TFEC: variants seen among roughly 807,000 people sequenced by gnomAD.
TFEC encodes class E basic helix-loop-helix protein 34.
TFEC carries 31 observed loss-of-function variants against 41.6 expected under a neutral mutation model. The ratio of observed to expected loss-of-function variants is 0.74; its 90% confidence interval spans 0.56 to 1.01. The LOEUF is 1.01. TFEC is among the 50% of genes least tolerant of loss of function. The pLI, the probability that TFEC is intolerant of heterozygous loss-of-function variation, is 0.00. For synonymous variants in TFEC, 143 were observed against 140.6 expected (o/e 1.02, Z -0.12); for missense variants, 402 against 404.1 (o/e 0.99, Z 0.04).
chr7:115,941,022 A>T, intron 7 of TFEC, 91 bp from the exon 8 acceptor site: 1 of 1,216,162 alleles, frequency 8.2e-7, no homozygotes, highest in Non-Finnish European at 1.1e-6. Flanking sequence ...AAATATTAAC[A>T]AGCATTTAAA....
intron 3 of TFEC, among the ~76,000 whole-genome samples, chr7:116,057,581 G>A (rs1406607391): frequency 6.6e-6 from 1 of 151,794 alleles, no homozygotes; most frequent in African/African-American, 2.4e-5. Context: ...ACTGGAAAGA[G>A]TAATTTATGG....
At chr7:116,004,519 T>C (rs1368636463) in intron 1 of TFEC, among the ~76,000 whole-genome samples, 1 of 152,162 alleles carries the variant, frequency 6.6e-6, no homozygotes, top group Non-Finnish European at 1.5e-5. Flanking sequence ...GTGAAGGTTA[T>C]TGATAAAAGA....
intron 1 of TFEC, among the ~76,000 whole-genome samples, chr7:116,138,534 C>CT (rs1383517147): frequency 6.6e-6 from 1 of 152,130 alleles, no homozygotes; most frequent in African/African-American, 2.4e-5. Flanking sequence ...TAACAAGCTA[C>CT]TAATCTACAG....
In TFEC at chr7:116,138,859, G is replaced by A. The variant is rs944115397; in HGVS notation, c.-69+20931C>T. Among the ~76,000 whole-genome samples, 8 of 152,084 alleles carry A rather than the reference G, an allele frequency of 5.3e-5. No individual in the cohort carries two copies. In the East Asian group the frequency reaches 7.7e-4, roughly 15 times the overall value. ...AAAGAAAAAAAGTAAAGGCTTGAGCGGTCACCCAACGTGTCCCCTCCTAAC... is the reference window on the plus strand; with the variant it reads ...AAAGAAAAAAAGTAAAGGCTTGAGCAGTCACCCAACGTGTCCCCTCCTAAC... On this transcript the variant is annotated intron_variant, in intron 1 of 8. Transcript: ENST00000484212.
intron 3 of TFEC, among the ~76,000 whole-genome samples, chr7:116,097,064 T>A (rs1000474721): frequency 1.3e-5 from 2 of 148,456 alleles, no homozygotes; most frequent in East Asian, 3.9e-4. Context: ...CACTCCAGCC[T>A]GGCGACAGAG....
chr7:115,980,579 G>A (rs942436227), intron 2 of TFEC, among the ~76,000 whole-genome samples: 13 of 152,018 alleles, frequency 8.6e-5, no homozygotes, highest in East Asian at 1.9e-4. Flanking sequence ...GCGAAACTCC[G>A]TCTCTACTAA....
intron 3 of TFEC, among the ~76,000 whole-genome samples, chr7:116,066,344 CT>C (rs1796694265): frequency 6.6e-6 from 1 of 152,004 alleles, no homozygotes. Flanking sequence ...TTACGTCTTT[CT>C]TTTGATATAA....
chr7:116,004,481 C>T (rs561915193), intron 1 of TFEC, among the ~76,000 whole-genome samples: 2 of 152,086 alleles, frequency 1.3e-5, no homozygotes, highest in East Asian at 1.9e-4. Flanking sequence ...AATGTAGGTT[C>T]GTCAATATTC....
chr7:116,153,036 G>A (rs965317415), intron 1 of TFEC, among the ~76,000 whole-genome samples: 4 of 152,130 alleles, frequency 2.6e-5, no homozygotes, highest in East Asian at 1.9e-4. Flanking sequence ...GGCGAGCCAC[G>A]AAAGATATTT....
intron 3 of TFEC, among the ~76,000 whole-genome samples, chr7:116,045,549 C>A (rs544736268): frequency 6.6e-6 from 1 of 152,176 alleles, no homozygotes; most frequent in Non-Finnish European, 1.5e-5. Context: ...GGTTTGGGAA[C>A]CTCTGCCTAG....
intron 3 of TFEC, among the ~76,000 whole-genome samples, chr7:116,067,459 A>G (rs921659551): frequency 6.6e-6 from 1 of 152,028 alleles, no homozygotes; most frequent in African/African-American, 2.4e-5. Flanking sequence ...GAAATATGAA[A>G]AAAACCTGTA....
At chr7:115,966,014 ATCTC>A (rs1327583456) in intron 3 of TFEC, among the ~76,000 whole-genome samples, 2 of 151,460 alleles carry the variant, frequency 1.3e-5, no homozygotes, top group Non-Finnish European at 3.0e-5. Context: ...GTATTTCTTC[ATCTC>A]TCTCAATTAA....
intron 1 of TFEC, among the ~76,000 whole-genome samples, chr7:116,121,898 T>C (rs577200108): frequency 6.6e-6 from 1 of 151,982 alleles, no homozygotes; most frequent in Non-Finnish European, 1.5e-5. Context: ...AATAAAAAAT[T>C]CATTAAAATG....
chr7:116,009,561 G>T (rs1427920409), intron 1 of TFEC, among the ~76,000 whole-genome samples: 1 of 151,942 alleles, frequency 6.6e-6, no homozygotes, highest in Non-Finnish European at 1.5e-5. Context: ...ACTCTTCAAA[G>T]AATTCACAGT....
chr7:116,039,836 A>G (rs1162095006), intron 3 of TFEC, among the ~76,000 whole-genome samples: 1 of 152,094 alleles, frequency 6.6e-6, no homozygotes, highest in Non-Finnish European at 1.5e-5. Context: ...AAAGTCCTTC[A>G]ATACAAAAGA....
chr7:115,941,744 T>C (rs1171404702), intron 7 of TFEC, 149 bp downstream of exon 7: 2 of 1,027,450 alleles, frequency 1.9e-6, no homozygotes, highest in East Asian at 5.2e-5. Flanking sequence ...ACAACCCAAT[T>C]CACGAACTTC....
intron 1 of TFEC, among the ~76,000 whole-genome samples, chr7:116,137,495 T>C (rs1798455385): frequency 1.3e-5 from 2 of 152,142 alleles, no homozygotes; most frequent in Admixed American, 1.3e-4. Context: ...TCTCGTAAAC[T>C]TGAGCAGCTA....
At chr7:116,032,078 C>T (rs1275562073), upstream of TFEC, among the ~76,000 whole-genome samples, 3 of 152,012 alleles carry the variant, frequency 2.0e-5, no homozygotes, top group Non-Finnish European at 2.9e-5. Flanking sequence ...AATACATTTG[C>T]GAGCTTCAGA....
intron 3 of TFEC, among the ~76,000 whole-genome samples, chr7:116,066,666 G>C (rs1011365503): frequency 6.6e-6 from 1 of 152,060 alleles, no homozygotes; most frequent in African/African-American, 2.4e-5. Context: ...ATTTAACCAA[G>C]TTGTAATTGT....
Sources: gnomAD v4.1 joint callset for allele counts (sites outside exome capture counted in the v4.1 genomes callset) on GRCh38, gnomAD v4.1.1 for gene constraint, MANE v1.5 for transcripts, NCBI Gene and HGNC (gene_info 2026-07-23, HGNC 2026-07-21) for gene names.